The following TENM1 variants were observed in gnomAD, a reference collection of about 807,000 sequenced individuals.
TENM1 encodes the protein teneurin transmembrane protein 1, also known as teneurin-1.
A neutral mutation model predicts 174.8 loss-of-function variants in TENM1; 35 were observed. That is an observed-to-expected ratio of 0.20 (90% CI 0.15 to 0.27). The LOEUF (loss-of-function observed/expected upper bound fraction) is 0.27, where lower values mean the gene tolerates loss of function less well. TENM1 is among the 10% of genes least tolerant of loss of function. The probability of loss-of-function intolerance (pLI) is 1.00; values close to 1 mark genes in which losing one functional copy is unlikely to be tolerated. For synonymous variants in TENM1, 781 were observed against 798.7 expected, an observed-to-expected ratio of 0.98 and a Z score of 0.37; for missense variants, 1,633 against 2,130.1, an observed-to-expected ratio of 0.77 and a Z score of 4.59.
chrX:124,842,006 A>G (rs778367611), intron 3 of TENM1, among the ~76,000 whole-genome samples: 1 of 112,159 alleles, frequency 8.9e-6, no homozygotes, highest in South Asian at 3.7e-4. Flanking sequence ...CCCTAGAAAT[A>G]TTCCAAAGTT....
intron 27 of TENM1, among the ~76,000 whole-genome samples, chrX:124,403,678 G>A (rs1030717268): frequency 2.7e-5 from 3 of 111,169 alleles, no homozygotes; most frequent in South Asian, 3.8e-4. Context: ...TTTTTGATAT[G>A]AGTTCTACAT....
chrX:124,753,925 A>C (rs1454759365), intron 3 of TENM1, among the ~76,000 whole-genome samples: 1 of 111,806 alleles, frequency 8.9e-6, no homozygotes, highest in African/African-American at 3.3e-5. Flanking sequence ...ATCAATATTC[A>C]TCAAGGATAT....
chrX:124,885,517 A>G (rs2057368958), intron 3 of TENM1, among the ~76,000 whole-genome samples: 1 of 111,080 alleles, frequency 9.0e-6, no homozygotes. Flanking sequence ...ACATTTAATT[A>G]AGACTTAGTA....
the TENM1 span, among the ~76,000 whole-genome samples, chrX:125,030,680 T>C: frequency 8.9e-6 from 1 of 112,076 alleles, no homozygotes; most frequent in South Asian, 3.6e-4. Context: ...TTTAGTAGTG[T>C]GAAAAAAATG....
At chrX:124,924,768 C>A (rs1412068617) in intron 1 of TENM1, among the ~76,000 whole-genome samples, 1 of 111,444 alleles carries the variant, frequency 9.0e-6, no homozygotes, top group African/African-American at 3.3e-5. Context: ...AAATTTCAGG[C>A]ATTGTGGCAG....
chrX:125,195,428 T>C, the TENM1 span, among the ~76,000 whole-genome samples: 3 of 112,192 alleles, frequency 2.7e-5, no homozygotes, highest in Non-Finnish European at 5.6e-5. Context: ...CCATGTTAAA[T>C]TACCAGTTAA....
At chrX:124,425,633 A>T (rs991736001) in intron 23 of TENM1, among the ~76,000 whole-genome samples, 3 of 112,398 alleles carry the variant, frequency 2.7e-5, no homozygotes, top group Non-Finnish European at 5.6e-5. Context: ...AGAGCTAAAT[A>T]AATGTTTTTC....
chrX:124,985,506 T>C, the TENM1 span, among the ~76,000 whole-genome samples: 8 of 112,062 alleles, frequency 7.1e-5, no homozygotes, highest in Non-Finnish European at 1.5e-4. Flanking sequence ...TTTATATCTT[T>C]AGGGTATCCT....
intron 11 of TENM1, among the ~76,000 whole-genome samples, chrX:124,584,562 C>T (rs1319279038): frequency 2.7e-5 from 3 of 111,408 alleles, no homozygotes; most frequent in Non-Finnish European, 3.8e-5. Context: ...GAACAACTGG[C>T]ACCAGCCACT....
chrX:125,133,196 G>A, the TENM1 span, among the ~76,000 whole-genome samples: 34 of 110,506 alleles, frequency 3.1e-4, no homozygotes, highest in African/African-American at 8.9e-4. Flanking sequence ...GGGTTTCACC[G>A]TGTTCGTCAG....
chrX:125,043,181 A>C, the TENM1 span, among the ~76,000 whole-genome samples: 1 of 93,637 alleles, frequency 1.1e-5, no homozygotes, highest in Non-Finnish European at 2.1e-5. Flanking sequence ...AATTAAACTA[A>C]AGAGCTTCTG....
At chrX:124,405,720 G>A (rs1178663057) in intron 26 of TENM1, among the ~76,000 whole-genome samples, 1 of 110,111 alleles carries the variant, frequency 9.1e-6, no homozygotes, top group Non-Finnish European at 1.9e-5. Flanking sequence ...TAGAGTGTCT[G>A]GTGTCACCAC....
At chrX:124,478,579 G>T (rs552428776) in intron 22 of TENM1, among the ~76,000 whole-genome samples, 15 of 112,376 alleles carry the variant, frequency 1.3e-4, no homozygotes, top group African/African-American at 4.5e-4. Flanking sequence ...GGACATGTTG[G>T]AGAACCTTCC....
intron 3 of TENM1, among the ~76,000 whole-genome samples, chrX:124,884,627 T>C (rs2057354167): frequency 9.0e-6 from 1 of 111,174 alleles, no homozygotes; most frequent in African/African-American, 3.3e-5. Flanking sequence ...CTCTTTTTCC[T>C]TGCCTTAGGT....
At chrX:125,006,327 T>G in the TENM1 span, among the ~76,000 whole-genome samples, 130 of 111,717 alleles carry the variant, frequency 1.2e-3, no homozygotes, top group African/African-American at 4.1e-3. Context: ...TCCCCCTCAT[T>G]AGGCAGGGCA....
intron 3 of TENM1, among the ~76,000 whole-genome samples, chrX:124,757,953 C>T (rs1007578271): frequency 2.7e-5 from 3 of 111,530 alleles, no homozygotes; most frequent in Non-Finnish European, 3.8e-5. Flanking sequence ...TTTGTTTATA[C>T]GGGAGTATAA....
chrX:124,818,042 A>AT lies in TENM1; in HGVS notation c.535+76253dup, dbSNP rs1295225361. 7.1e-3 allele frequency among the ~76,000 whole-genome samples: 751 copies of AT among 106,496 alleles called. 5 individuals are homozygous for AT. The highest frequency in any genetic ancestry group is 0.023 in the African/African-American group (685 of 29,597). The allele number at this position is 106,496 out of a possible 115,157, so 92.5% of individuals were successfully genotyped here. On this transcript the variant is annotated intron_variant, in intron 3 of 31. Transcript: ENST00000422452. Reference sequence around the variant, plus strand: ...ATTTACTGAGGCAGGGCTGTCACTGATTTTTTTTTTTAATTGCAATTAAAA... The same window carrying AT: ...ATTTACTGAGGCAGGGCTGTCACTGATTTTTTTTTTTTAATTGCAATTAAAA...
chrX:124,560,150 A>G (rs751935379), intron 14 of TENM1, among the ~76,000 whole-genome samples: 1 of 109,314 alleles, frequency 9.1e-6, no homozygotes, highest in East Asian at 2.9e-4. Context: ...TTCAAGTTAT[A>G]TGGGTAGTAA....
intron 3 of TENM1, among the ~76,000 whole-genome samples, chrX:124,740,403 T>C (rs2053772438): frequency 9.2e-6 from 1 of 108,390 alleles, no homozygotes; most frequent in Non-Finnish European, 1.9e-5. Flanking sequence ...ATGATAAAAA[T>C]TTTACTTCAT....
Sources: allele counts gnomAD v4.1 joint callset (sites outside exome capture counted in the v4.1 genomes callset), GRCh38; gene constraint gnomAD v4.1.1; transcripts MANE v1.5; gene names NCBI Gene and HGNC (gene_info 2026-07-23, HGNC 2026-07-21).